Variants in UVSSA observed in about 807,000 individuals in gnomAD.
UVSSA encodes UV-stimulated scaffold protein A.
Under a neutral mutation model 73.9 loss-of-function variants are expected in UVSSA, and 72 were observed. The observed-to-expected ratio is 0.97, with a 90% CI of 0.81 to 1.19. The LOEUF (loss-of-function observed/expected upper bound fraction) is 1.19, where lower values mean the gene tolerates loss of function less well. UVSSA is among the 50% of genes most tolerant of loss of function. The pLI is 0.00. For missense variants in UVSSA, 1,150 were observed against 965.0 expected, an observed-to-expected ratio of 1.19 and a Z score of -2.54; for synonymous variants, 454 against 391.3, an observed-to-expected ratio of 1.16 and a Z score of -1.89.
At chr4:1,377,205 C>A (rs1405846931) in intron 10 of UVSSA, among the ~76,000 whole-genome samples, 1 of 152,212 alleles carries the variant, frequency 6.6e-6, no homozygotes, top group Non-Finnish European at 1.5e-5. Context: ...GTGCCCAGGG[C>A]AGCCACTGCC....
intron 8 of UVSSA, among the ~76,000 whole-genome samples, chr4:1,369,388 G>T (rs547350001): frequency 6.6e-6 from 1 of 152,214 alleles, no homozygotes; most frequent in Non-Finnish European, 1.5e-5. Flanking sequence ...GGGACCAGGC[G>T]GGAAGCGTGG....
intron 7 of UVSSA, among the ~76,000 whole-genome samples, chr4:1,359,754 C>G (rs2109144370): frequency 6.6e-6 from 1 of 152,258 alleles, no homozygotes; most frequent in East Asian, 1.9e-4. Context: ...CGGCCGCCTG[C>G]CTGCCTCCTC....
In UVSSA at chr4:1,380,959, G is replaced by A. The variant is rs768953839; in HGVS notation, c.1832G>A (p.Arg611Gln). ...CCGGAAGACAGGGCTCGTGAGCAGC[G>A]GCGGCAGCTGCAGAAGCAGGAGCGC... ...LDPEDRAREQ[R>Q]RQLQKQERPE... Residue 611 changes from arginine (R) to glutamine (Q), a missense_variant, in exon 12 of 14, where the codon CGG (arginine) becomes CAG (glutamine). Physicochemically the swap from Arg to Gln is conservative, Grantham distance 43. Transcript: ENST00000389851. The A allele has an allele frequency of 9.9e-6, 16 of 1,612,178 alleles. No individual in the cohort carries two copies. Among genetic ancestry groups the A allele is most frequent in the African/African-American group, 2.7e-5 (2 of 74,920 alleles).
intron 7 of UVSSA, among the ~76,000 whole-genome samples, chr4:1,361,960 G>A (rs539309755): frequency 3.3e-5 from 5 of 151,746 alleles, no homozygotes; most frequent in Admixed American, 6.6e-5. Context: ...TAATTAGATC[G>A]TACAAAATTT....
At chr4:1,363,494 A>T (rs1387141432) in intron 7 of UVSSA, among the ~76,000 whole-genome samples, 1 of 152,218 alleles carries the variant, frequency 6.6e-6, no homozygotes, top group African/African-American at 2.4e-5. Flanking sequence ...CCATATTTAA[A>T]ATCTGGCACT....
chr4:1,346,588 C>G (rs954202374), upstream of UVSSA, among the ~76,000 whole-genome samples: 2 of 152,122 alleles, frequency 1.3e-5, no homozygotes, highest in Non-Finnish European at 2.9e-5. Context: ...CGAAGACCCC[C>G]AAGCCCGCCC....
At chr4:1,375,995 C>T (rs758368410) in intron 9 of UVSSA, 39 bp from the exon 10 acceptor site, 1 of 1,567,288 alleles carries the variant, frequency 6.4e-7, no homozygotes, top group Non-Finnish European at 8.6e-7. Context: ...GTGGGTGGCA[C>T]CAGCAGCACC....
At chr4:1,354,464 C>A in intron 5 of UVSSA, 1 of 491,086 alleles carries the variant, frequency 2.0e-6, no homozygotes, top group Non-Finnish European at 3.7e-6. Context: ...TCTCGCCCTC[C>A]AGATGGGATG....
chr4:1,395,530 T>C (rs773924694), exon 14 of UVSSA: 1 of 1,574,408 alleles, frequency 6.4e-7, no homozygotes, highest in South Asian at 1.1e-5. Context: ...CGATGTGGAG[T>C]GCCCGCCTGC....
At position 1,366,755 on chromosome 4, in the gene UVSSA, G is replaced by A. The variant is rs564291185; in HGVS notation, c.1288+324G>A. Among the ~76,000 whole-genome samples, 39 of 152,324 alleles carry A rather than the reference G, an allele frequency of 2.6e-4. No individual in the cohort carries two copies. In the South Asian group the frequency reaches 7.5e-3, roughly 29 times the overall value. Reference sequence around the variant, plus strand: ...CAGGCCCTCAGGTGCCCGGGTCTGGGACAGGGGCCACCATCCTACCCTTGG... The same window carrying A: ...CAGGCCCTCAGGTGCCCGGGTCTGGAACAGGGGCCACCATCCTACCCTTGG... On this transcript the variant is annotated intron_variant, in intron 8 of 13. Coordinates refer to ENST00000389851, the MANE Select transcript of UVSSA (RefSeq NM_020894.4).
chr4:1,361,783 C>G (rs1716675119), intron 7 of UVSSA, among the ~76,000 whole-genome samples: 1 of 151,806 alleles, frequency 6.6e-6, no homozygotes, highest in Non-Finnish European at 1.5e-5. Flanking sequence ...GGTTTTTAAA[C>G]ACATAGCCAT....
chr4:1,374,322 G>A lies in UVSSA; in HGVS notation c.1289-1042G>A, dbSNP rs980464401. Among the ~76,000 whole-genome samples the A allele has an allele frequency of 3.3e-5, 5 of 152,212 alleles. No individual in the cohort carries two copies. In the South Asian group the frequency reaches 8.3e-4, roughly 25 times the overall value. ...CACCTCCTGTGCCTCCTGCCATCCC[G>A]ACGCCTCAGGACACCAGCTTAGCCG... On this transcript the variant is annotated intron_variant, in intron 8 of 13. Coordinates refer to ENST00000389851, the MANE Select transcript of UVSSA (RefSeq NM_020894.4).
chr4:1,371,356 G>A (rs911388829), intron 8 of UVSSA, among the ~76,000 whole-genome samples: 2 of 151,056 alleles, frequency 1.3e-5, no homozygotes, highest in Non-Finnish European at 2.9e-5. Flanking sequence ...TGTTTTTGAC[G>A]CTCTGTTCTG....
intron 7 of UVSSA, among the ~76,000 whole-genome samples, chr4:1,356,031 A>C (rs1366092513): frequency 6.6e-6 from 1 of 151,906 alleles, no homozygotes; most frequent in Non-Finnish European, 1.5e-5. Flanking sequence ...GGGCCTTAGG[A>C]CTGGAGGTAC....
At chr4:1,357,814 C>T (rs977968907) in intron 7 of UVSSA, 3 of 152,260 alleles carry the variant, frequency 2.0e-5, no homozygotes, top group Non-Finnish European at 4.4e-5. Context: ...CAGCACTAGC[C>T]CCTCCTGCCT....
At chr4:1,376,319 CAGGG>C in intron 10 of UVSSA, 151 bp downstream of exon 10, 1 of 1,223,730 alleles carries the variant, frequency 8.2e-7, no homozygotes, top group Non-Finnish European at 1.1e-6. Flanking sequence ...TGGAGGGGCA[CAGGG>C]GTGGGCCTCC....
In UVSSA at chr4:1,375,134, G is replaced by A; in HGVS notation, c.1289-230G>A. The A allele has an allele frequency of 1.9e-5, 12 of 618,296 alleles. No homozygotes were observed. The South Asian group carries it at 2.3e-4, about 12-fold the overall frequency. The allele number at this position is 618,296 out of a possible 1,614,324, so 38.3% of individuals were successfully genotyped here. ...AGTGTGTGAACAGCGTGGCCACAAG[G>A]CGGGACTGCCGGACCCCCCGACGCA... is the stretch of plus-strand genomic sequence containing the variant. On this transcript the variant is annotated intron_variant, in intron 8 of 13. Transcript: ENST00000389851.
At chr4:1,380,575 C>A in intron 11 of UVSSA, 1 of 1,380,760 alleles carries the variant, frequency 7.2e-7, no homozygotes, top group South Asian at 1.4e-5. Flanking sequence ...CAGGGCAGCT[C>A]CCAGCCGGGC....
intron 10 of UVSSA, among the ~76,000 whole-genome samples, chr4:1,378,838 C>T (rs1274441762): frequency 6.6e-6 from 1 of 152,250 alleles, no homozygotes; most frequent in African/African-American, 2.4e-5. Flanking sequence ...GCCAGGTGCT[C>T]TTCAGCCCAC....
Sources: allele counts gnomAD v4.1 joint callset (sites outside exome capture counted in the v4.1 genomes callset), GRCh38; gene constraint gnomAD v4.1.1; transcripts MANE v1.5; gene names NCBI Gene and HGNC (gene_info 2026-07-23, HGNC 2026-07-21).